Variants in FOXP1 observed in about 807,000 individuals in gnomAD.
FOXP1 encodes the protein forkhead box P1.
Under a neutral mutation model 98.2 loss-of-function variants are expected in FOXP1, and 15 were observed. The observed-to-expected ratio is 0.15, with a 90% confidence interval of 0.10 to 0.24. FOXP1 has a LOEUF of 0.24. Among genes scored for constraint, FOXP1 ranks in the 10% least tolerant of loss-of-function variants. FOXP1 has a pLI of 1.00. For missense variants in FOXP1, 633 were observed against 848.5 expected (o/e 0.75, Z 3.15); for synonymous variants, 371 against 314.5 (o/e 1.18, Z -1.90).
intron 7 of FOXP1, among the ~76,000 whole-genome samples, chr3:71,063,958 C>T (rs1027891731): frequency 3.3e-5 from 5 of 152,168 alleles, no homozygotes; most frequent in South Asian, 4.1e-4. Context: ...GGTAAAAAGT[C>T]CCGTTTCCAC....
At chr3:71,455,105 A>G (rs561018355) in intron 3 of FOXP1, among the ~76,000 whole-genome samples, 72 of 152,276 alleles carry the variant, frequency 4.7e-4, no homozygotes, top group Admixed American at 1.6e-3. Context: ...TCTCTTTACA[A>G]ATAGTCAGTT....
chr3:71,196,253 A>G (rs1185616129), intron 6 of FOXP1, among the ~76,000 whole-genome samples: 1 of 152,256 alleles, frequency 6.6e-6, no homozygotes, highest in Non-Finnish European at 1.5e-5. Context: ...CAAAGTGGAC[A>G]CAGCCAAAGG....
intron 6 of FOXP1, among the ~76,000 whole-genome samples, chr3:71,120,673 A>T (rs1276059261): frequency 6.6e-6 from 1 of 152,182 alleles, no homozygotes; most frequent in African/African-American, 2.4e-5. Flanking sequence ...GTCATGGGTC[A>T]TGGGCAGTGT....
intron 20 of FOXP1, among the ~76,000 whole-genome samples, chr3:70,963,090 C>T (rs1444531839): frequency 6.6e-6 from 1 of 152,140 alleles, no homozygotes; most frequent in Non-Finnish European, 1.5e-5. Flanking sequence ...AAACAAAACA[C>T]GTTTTCCCCC....
chr3:71,142,890 A>T (rs535590169), intron 6 of FOXP1, among the ~76,000 whole-genome samples: 27 of 152,320 alleles, frequency 1.8e-4, no homozygotes, highest in African/African-American at 6.0e-4. Flanking sequence ...AAAGTTTATA[A>T]AAGAGTTTCT....
At chr3:71,473,784 A>G (rs2089574190) in intron 3 of FOXP1, among the ~76,000 whole-genome samples, 2 of 152,180 alleles carry the variant, frequency 1.3e-5, no homozygotes, top group Non-Finnish European at 2.9e-5. Flanking sequence ...TTTGGTTGTC[A>G]CAACGACCTG....
chr3:71,355,382 A>T (rs1255036009), intron 4 of FOXP1, among the ~76,000 whole-genome samples: 1 of 152,222 alleles, frequency 6.6e-6, no homozygotes, highest in African/African-American at 2.4e-5. Context: ...CATATGGAAC[A>T]AACAAGAGGT....
chr3:71,071,073 TTCTTTCCCTAATAG>T (rs1418651537), intron 7 of FOXP1, among the ~76,000 whole-genome samples: 2 of 152,184 alleles, frequency 1.3e-5, no homozygotes, highest in Non-Finnish European at 2.9e-5. Flanking sequence ...TGGCTTGCTT[TTCTTTCCCTAATAG>T]TCACCAATTA....
At chr3:71,049,893 C>G (rs950822058) in intron 9 of FOXP1, among the ~76,000 whole-genome samples, 5 of 152,116 alleles carry the variant, frequency 3.3e-5, no homozygotes, top group Non-Finnish European at 7.4e-5. Context: ...CATTGTTACC[C>G]TGGGTCTCAG....
chr3:71,565,449 G>GA (rs1559537408), intron 2 of FOXP1, among the ~76,000 whole-genome samples: 3 of 150,092 alleles, frequency 2.0e-5, no homozygotes, highest in African/African-American at 7.6e-5. Flanking sequence ...GGCAGTGATG[G>GA]GGGGGGAGCT....
chr3:71,485,270 T>C lies in FOXP1; in HGVS notation c.-168+8156A>G, dbSNP rs2090565081. Among the ~76,000 whole-genome samples the C allele has an allele frequency of 2.0e-5, 3 of 152,126 alleles. No individual in the cohort carries two copies. In the South Asian group the frequency reaches 6.2e-4, roughly 31 times the overall value. ...TCTCCCCAATATCCCTTTTATACAA[T>C]AAAAGTGGTCAAAAATATTTAAAAG... On this transcript the variant is annotated intron_variant, in intron 3 of 20. Transcript: ENST00000649528.
chr3:71,421,351 T>G (rs994462470), intron 3 of FOXP1, among the ~76,000 whole-genome samples: 1 of 152,190 alleles, frequency 6.6e-6, no homozygotes, highest in Non-Finnish European at 1.5e-5. Context: ...CTCAGGTAAA[T>G]GTATGCCCTG....
intron 6 of FOXP1, among the ~76,000 whole-genome samples, chr3:71,113,607 G>A (rs1170337173): frequency 6.6e-6 from 1 of 151,964 alleles, no homozygotes; most frequent in African/African-American, 2.4e-5. Context: ...CAGCTTCTTG[G>A]GAGGCTGAGG....
At chr3:71,418,348 G>A (rs559468288) in intron 3 of FOXP1, among the ~76,000 whole-genome samples, 2 of 152,136 alleles carry the variant, frequency 1.3e-5, no homozygotes, top group East Asian at 3.9e-4. Flanking sequence ...GCTGTGACAG[G>A]GCGACCACAG....
intron 20 of FOXP1, among the ~76,000 whole-genome samples, chr3:70,964,218 A>T (rs1252463783): frequency 6.6e-6 from 1 of 152,244 alleles, no homozygotes; most frequent in Non-Finnish European, 1.5e-5. Flanking sequence ...CTTGTAAAAA[A>T]TAGTTGAAAC....
At chr3:71,325,698 G>A (rs1009001569) in intron 4 of FOXP1, among the ~76,000 whole-genome samples, 4 of 151,482 alleles carry the variant, frequency 2.6e-5, no homozygotes, top group Admixed American at 1.3e-4. Flanking sequence ...TTTTAGAGGT[G>A]GGTCTCACTA....
intron 6 of FOXP1, among the ~76,000 whole-genome samples, chr3:71,172,858 TG>T (rs1229974072): frequency 6.6e-6 from 1 of 152,228 alleles, no homozygotes; most frequent in Non-Finnish European, 1.5e-5. Context: ...CCAAAATTAC[TG>T]AAGCGCCAAT....
chr3:71,365,844 G>T (rs574747849), intron 3 of FOXP1, among the ~76,000 whole-genome samples: 181 of 152,238 alleles, frequency 1.2e-3, no homozygotes, highest in African/African-American at 4.3e-3. Context: ...TTAGCTGAGC[G>T]TGGTGGCGTG....
At chr3:71,438,771 T>C (rs1199455636) in intron 3 of FOXP1, among the ~76,000 whole-genome samples, 1 of 150,782 alleles carries the variant, frequency 6.6e-6, no homozygotes, top group Non-Finnish European at 1.5e-5. Flanking sequence ...TCTCCATAGA[T>C]ACAAGCTTTT....
Sources: allele counts gnomAD v4.1 joint callset (sites outside exome capture counted in the v4.1 genomes callset), GRCh38; gene constraint gnomAD v4.1.1; transcripts MANE v1.5; gene names NCBI Gene and HGNC (gene_info 2026-07-23, HGNC 2026-07-21).